SCN1A: variants seen among roughly 807,000 people sequenced by gnomAD.
SCN1A encodes the protein sodium voltage-gated channel alpha subunit 1.
SCN1A carries 13 observed loss-of-function variants against 193.7 expected under a neutral mutation model. The observed-to-expected ratio is 0.07, with a 90% confidence interval of 0.04 to 0.11. The LOEUF (loss-of-function observed/expected upper bound fraction) is 0.11. Ranked by LOEUF, SCN1A falls within the 10% of genes least tolerant of loss-of-function variation. The pLI is 1.00. For synonymous variants in SCN1A, 781 were observed against 843.6 expected, an observed-to-expected ratio of 0.93 and a Z score of 1.29; for missense variants, 1,432 against 2,451.1, an observed-to-expected ratio of 0.58 and a Z score of 8.78.
chr2:166,131,981 C>T (rs908511733), upstream of SCN1A, among the ~76,000 whole-genome samples: 4 of 152,074 alleles, frequency 2.6e-5, no homozygotes, highest in Non-Finnish European at 4.4e-5. Context: ...TCTAAATTCC[C>T]CTGTCATTTG....
At chr2:166,012,643 A>G (rs1692678278) in intron 21 of SCN1A, among the ~76,000 whole-genome samples, 1 of 131,168 alleles carries the variant, frequency 7.6e-6, no homozygotes, top group Non-Finnish European at 1.6e-5. Flanking sequence ...TTTGCTATAG[A>G]AAGGAGGTTG....
chr2:166,045,347 T>C lies in SCN1A; in HGVS notation c.1378-20A>G. On this transcript the variant is annotated intron_variant, in intron 12 of 28. Transcript: ENST00000674923. ...TGCCTGCTATATTGAAGAGAAATGA[T>C]TTTAACATAGCACCTGAAGAGACTG... is the stretch of plus-strand genomic sequence containing the variant. The C allele has an allele frequency of 6.2e-7, 1 of 1,613,274 alleles. No homozygotes were observed. Among genetic ancestry groups the C allele is most frequent in the East Asian group, 2.2e-5 (1 of 44,872 alleles).
At chr2:166,119,129 C>T (rs1690249065) in intron 2 of SCN1A, among the ~76,000 whole-genome samples, 1 of 152,170 alleles carries the variant, frequency 6.6e-6, no homozygotes, top group Admixed American at 6.5e-5. Context: ...TGCTCACCTC[C>T]TACTGTGCGA....
chr2:166,031,387 A>G (rs1695536180), intron 19 of SCN1A, among the ~76,000 whole-genome samples: 1 of 152,134 alleles, frequency 6.6e-6, no homozygotes, highest in African/African-American at 2.4e-5. Flanking sequence ...CGGAATTCCA[A>G]ACTACTAATT....
Position 166,073,490 on chromosome 2 carries a change from G to A in SCN1A, c.132C>T (p.Asp44=), listed in dbSNP as rs372758956. ...TATTTGGCTTTGGGCCATTTTCGTCGTCATCTTTTTTGTCTGGTTTGGGAT... is the reference window on the plus strand; with the variant it reads ...TATTTGGCTTTGGGCCATTTTCGTCATCATCTTTTTTGTCTGGTTTGGGAT... ...AKNPKPDKKD[D]DENGPKPNSD... is the part of the protein sequence containing the mutation. The change falls in exon 4 of 29, where the codon GAC becomes GAT. Residue 44 remains aspartate (D), a synonymous_variant. Transcript: ENST00000674923. 3.6e-5 allele frequency: 58 copies of A among 1,613,970 alleles called. No individual in the cohort carries two copies. The South Asian group carries it at 3.7e-4, about 10-fold the overall frequency.
At chr2:166,103,611 T>C (rs753718194) in intron 2 of SCN1A, among the ~76,000 whole-genome samples, 1 of 152,000 alleles carries the variant, frequency 6.6e-6, no homozygotes, top group Non-Finnish European at 1.5e-5. Flanking sequence ...GCTTCCTAAG[T>C]AGGTGAGAGC....
rs746016312 is a variant in SCN1A at position 166,036,311 on chromosome 2, T to C, written c.3166A>G (p.Asn1056Asp). ...TTGGACATACAACTGTCTTTCTTGTTGTTTAGATCATCAAGTGGTTTAATT... is the reference window on the plus strand; with the variant it reads ...TTGGACATACAACTGTCTTTCTTGTCGTTTAGATCATCAAGTGGTTTAATT... ...DEIKPLDDLN[N>D]KKDSCMSNHT... Residue 1056 changes from asparagine (N) to aspartate (D), a missense_variant, in exon 19 of 29, where the codon AAC becomes GAC. By Grantham distance (23) the Asn-to-Asp change is conservative. Coordinates refer to ENST00000674923, the MANE Select transcript of SCN1A (RefSeq NM_001165963.4). The C allele has an allele frequency of 1.8e-5, 29 of 1,613,674 alleles. No individual in the cohort carries two copies. Among genetic ancestry groups the C allele is most frequent in the Middle Eastern group, 3.3e-4 (2 of 6,060 alleles).
chr2:166,085,949 G>T (rs974387740), intron 2 of SCN1A, among the ~76,000 whole-genome samples: 2 of 152,136 alleles, frequency 1.3e-5, no homozygotes, highest in Non-Finnish European at 2.9e-5. Flanking sequence ...GAAAGGCAGA[G>T]ATAATTTCCT....
At chr2:166,120,598 T>TTTTTTTTTTCTC (rs1690456094) in intron 2 of SCN1A, among the ~76,000 whole-genome samples, 1 of 7,518 alleles carries the variant, frequency 1.3e-4, no homozygotes, top group African/African-American at 6.8e-4. Flanking sequence ...TCTTTTCTCT[T>TTTTTTTTTTCTC]TTTTTTTTTT....
Position 165,990,912 on chromosome 2 carries a change from C to A in SCN1A, c.*333G>T. On this transcript the variant is annotated 3_prime_UTR_variant, in exon 29 of 29. Coordinates refer to ENST00000674923, the MANE Select transcript of SCN1A (RefSeq NM_001165963.4). The stretch of plus-strand genomic sequence containing the variant: ...GCAAACAGTGGATACAATTACTACA[C>A]TAAAGTGTTTCATGTTAAACAACCC... 1 of 267,588 alleles carries A rather than the reference C, an allele frequency of 3.7e-6. No individual in the cohort carries two copies. 16.6% of individuals were successfully genotyped at this position (267,588 alleles called of 1,614,324 possible).
At chr2:166,005,398 G>C (rs948613079) in intron 23 of SCN1A, among the ~76,000 whole-genome samples, 1 of 151,320 alleles carries the variant, frequency 6.6e-6, no homozygotes, top group Non-Finnish European at 1.5e-5. Flanking sequence ...ATATGTTTGA[G>C]AGGTTTACTT....
intron 2 of SCN1A, among the ~76,000 whole-genome samples, chr2:166,118,298 G>GCTTCTTCTTTTTT (rs371947861): frequency 2.2e-5 from 1 of 44,696 alleles, no homozygotes; most frequent in African/African-American, 7.3e-5. Context: ...TTTCTATTTA[G>GCTTCTTCTTTTTT]TTTCTTTTTT....
At chr2:166,032,881 GA>G (rs915042420) in intron 19 of SCN1A, among the ~76,000 whole-genome samples, 10 of 152,106 alleles carry the variant, frequency 6.6e-5, no homozygotes, top group African/African-American at 1.9e-4. Context: ...TGAATCTAGA[GA>G]AAAAATTGGT....
At chr2:166,103,832 G>A (rs553423807) in intron 2 of SCN1A, among the ~76,000 whole-genome samples, 21 of 152,236 alleles carry the variant, frequency 1.4e-4, no homozygotes, top group South Asian at 1.0e-3. Context: ...CATACAACGT[G>A]AAAATATATA....
rs375848480 is a variant in SCN1A, at chr2:166,013,385, G to A, written c.3705+359C>T. Among the ~76,000 whole-genome samples, 63 of 151,388 alleles carry A rather than the reference G, an allele frequency of 4.2e-4. No homozygotes were observed. In the South Asian group the frequency reaches 0.011, roughly 27 times the overall value. On this transcript the variant is annotated intron_variant, in intron 21 of 28. Coordinates refer to ENST00000674923, the MANE Select transcript of SCN1A (RefSeq NM_001165963.4). ...TAAATACCATTTAGAAACAAAATTC[G>A]TCAGAACTCAGAGAATATATATTCC...
intron 5 of SCN1A, among the ~76,000 whole-genome samples, chr2:166,057,444 AGGG>A (rs1699242327): frequency 6.6e-6 from 1 of 152,030 alleles, no homozygotes; most frequent in Admixed American, 6.6e-5. Context: ...AATCAGATAA[AGGG>A]TCCAGGACTA....
intron 19 of SCN1A, among the ~76,000 whole-genome samples, chr2:166,024,009 T>G (rs1425844815): frequency 1.3e-5 from 2 of 152,014 alleles, no homozygotes; most frequent in South Asian, 2.1e-4. Context: ...ACTCCTGACC[T>G]CAGGTGATCC....
At chr2:166,104,551 T>C (rs1013900710) in intron 2 of SCN1A, among the ~76,000 whole-genome samples, 12 of 152,096 alleles carry the variant, frequency 7.9e-5, no homozygotes, top group Admixed American at 5.2e-4. Context: ...GACACCAGCC[T>C]GGGCAACATG....
intron 19 of SCN1A, among the ~76,000 whole-genome samples, chr2:166,027,693 A>G (rs576804400): frequency 4.3e-4 from 65 of 152,056 alleles, no homozygotes; most frequent in African/African-American, 1.4e-3. Context: ...GACAGGTACT[A>G]TTTTAATGCT....
Sources: allele counts gnomAD v4.1 joint callset (sites outside exome capture counted in the v4.1 genomes callset), GRCh38; gene constraint gnomAD v4.1.1; transcripts MANE v1.5; gene names NCBI Gene and HGNC (gene_info 2026-07-23, HGNC 2026-07-21).